SETX: variants seen among roughly 807,000 people sequenced by gnomAD.
The protein encoded by SETX is senataxin.
A neutral mutation model predicts 227.2 loss-of-function variants in SETX; 90 were observed. That is an observed-to-expected ratio of 0.40 (90% confidence interval 0.33 to 0.47). SETX has a LOEUF of 0.47. Among genes scored for constraint, SETX ranks in the 20% least tolerant of loss-of-function variants. The pLI is 0.91. For missense variants in SETX, 3,052 were observed against 3,181.5 expected (o/e 0.96, Z 0.98); for synonymous variants, 1,210 against 1,113.2 (o/e 1.09, Z -1.73).
intron 3 of SETX, among the ~76,000 whole-genome samples, chr9:132,348,360 C>T (rs1183431483): frequency 2.3e-5 from 1 of 44,182 alleles, no homozygotes; most frequent in East Asian, 5.2e-4. Flanking sequence ...GAGACTCTGT[C>T]TCAAAAAAAA....
At chr9:132,345,180 T>C (rs1848215164) in intron 4 of SETX, among the ~76,000 whole-genome samples, 1 of 152,210 alleles carries the variant, frequency 6.6e-6, no homozygotes, top group Non-Finnish European at 1.5e-5. Context: ...CATCCTACAA[T>C]GGACGGCACA....
intron 23 of SETX, among the ~76,000 whole-genome samples, chr9:132,273,438 C>T (rs1051647059): frequency 1.3e-5 from 2 of 152,246 alleles, no homozygotes; most frequent in African/African-American, 2.4e-5. Flanking sequence ...GCTGGGATTA[C>T]AGGCATGAGC....
chr9:132,263,986 A>C lies in SETX; in HGVS notation c.*253T>G. On this transcript the variant is annotated 3_prime_UTR_variant, in exon 26 of 26. Transcript: ENST00000224140. ...AGTCTGACCTCCTTGTCTATAGAAG[A>C]CTAAGAGATCAACATTTCCAGTCTC... 3.6e-6 allele frequency: 2 copies of C among 555,936 alleles called. No homozygotes were observed. The highest frequency in any genetic ancestry group is 6.4e-6 in the Non-Finnish European group (2 of 311,084). The allele number at this position is 555,936 out of a possible 1,614,324, so 34.4% of individuals were successfully genotyped here.
chr9:132,272,112 C>T lies in SETX; in HGVS notation c.7101-304G>A, dbSNP rs544738082. Among the ~76,000 whole-genome samples the T allele has an allele frequency of 1.1e-3, 164 of 152,088 alleles. 1 individual carries two copies. Among genetic ancestry groups the T allele is most frequent in the East Asian group, 9.7e-4 (5 of 5,164 alleles). On this transcript the variant is annotated intron_variant, in intron 23 of 25. Coordinates refer to ENST00000224140, the MANE Select transcript of SETX (RefSeq NM_015046.7). ...GTCTCCATCTCCTGACCTCATGATC[C>T]GCCCGCCTCGGCCTCCCAAAGTGCT... is the stretch of plus-strand genomic sequence containing the variant.
chr9:132,284,809 C>A (rs1843744411), intron 18 of SETX, among the ~76,000 whole-genome samples: 1 of 152,098 alleles, frequency 6.6e-6, no homozygotes. Context: ...ACAGTTGCCA[C>A]CCTCATCCTA....
rs1288573889 is a variant in SETX at position 132,328,631 on chromosome 9, C to T, written c.2967G>A (p.Arg989=). The change falls in exon 10 of 26, where the codon AGG becomes AGA. Residue 989 remains arginine (R), a synonymous_variant. Coordinates refer to ENST00000224140, the MANE Select transcript of SETX (RefSeq NM_015046.7). ...AACATCTTTTATCTTCTTTTACTTT[C>T]CTTTGCAGCTGCGATGAGTTCTGAG... ...DSPQNSSQLQ[R]KVKEDKRCFT... 1 of 1,613,180 alleles carries T rather than the reference C, an allele frequency of 6.2e-7. No individual in the cohort carries two copies. The highest frequency in any genetic ancestry group is 8.5e-7 in the Non-Finnish European group (1 of 1,179,658).
In SETX at chr9:132,329,206, GCTT is replaced by G; in HGVS notation, c.2389_2391del (p.Lys797del). 1.2e-6 allele frequency: 2 copies of G among 1,613,664 alleles called. No homozygotes were observed. The highest frequency in any genetic ancestry group is 1.1e-5 in the South Asian group (1 of 91,064). ...TCGACCAAAGTACTCTTCCTGTGTT[GCTT>G]CTTTATTACATGTGATAACTTTGCA... On this transcript the variant is annotated inframe_deletion, in exon 10 of 26. Coordinates refer to ENST00000224140, the MANE Select transcript of SETX (RefSeq NM_015046.7).
At chr9:132,325,717 A>G (rs903046301) in intron 10 of SETX, among the ~76,000 whole-genome samples, 2 of 152,010 alleles carry the variant, frequency 1.3e-5, no homozygotes, top group Non-Finnish European at 2.9e-5. Context: ...ACCTGAGGTC[A>G]GAATCAGAAG....
chr9:132,328,231 A>C lies in SETX; in HGVS notation c.3367T>G (p.Cys1123Gly). Residue 1123 changes from cysteine (C) to glycine (G), a missense_variant, in exon 10 of 26, where the codon TGT becomes GGT. Physicochemically the swap from Cys to Gly is radical, Grantham distance 159 (BLOSUM62 -3). This residue lies in a region of SETX where 1,483 missense variants were observed against 1,312.0 expected (regional missense o/e 1.13). Coordinates refer to ENST00000224140, the MANE Select transcript of SETX (RefSeq NM_015046.7). The part of the protein sequence containing the change: ...PIANTTNGQG[C>G]TDYVSEVVKK... ...ACAACTTCAGATACATAATCTGTAC[A>C]ACCCTGACCATTTGTAGTATTGGCT... 1 of 1,614,180 alleles carries C rather than the reference A, an allele frequency of 6.2e-7. No individual in the cohort carries two copies. The highest frequency in any genetic ancestry group is 8.5e-7 in the Non-Finnish European group (1 of 1,180,034).
chr9:132,328,611 C>G lies in SETX; in HGVS notation c.2987G>C (p.Arg996Thr), dbSNP rs375057767. 3.7e-6 allele frequency: 6 copies of G among 1,613,362 alleles called. No homozygotes were observed. In the African/African-American group the frequency reaches 6.7e-5, roughly 18 times the overall value. Residue 996 changes from arginine (R) to threonine (T), a missense_variant, in exon 10 of 26, where the codon AGA becomes ACA. By Grantham distance (71) the Arg-to-Thr change is moderately conservative. Around this residue, in one of 10 missense-constraint regions of SETX, gnomAD observed 1,483 missense variants for 1,312.0 expected, o/e 1.13. Transcript: ENST00000224140. ...ATTATTTTGGTTAGCTGTGAAACAT[C>G]TTTTATCTTCTTTTACTTTCCTTTG... ...QLQRKVKEDK[R>T]CFTANQNNVG... is the part of the protein sequence containing the mutation.
In SETX at chr9:132,264,498, G is replaced by C; in HGVS notation, c.7775C>G (p.Ala2592Gly). The change falls in exon 26 of 26, where the codon GCT becomes GGT. Residue 2592 changes from alanine to glycine, a missense_variant. By Grantham distance (60) the Ala-to-Gly change is moderately conservative. Around this residue, in one of 10 missense-constraint regions of SETX, gnomAD observed 294 missense variants for 278.8 expected, o/e 1.05. Transcript: ENST00000224140. ...GTGGCTGCTCAGAGCAGCCACTACA[G>C]CAGCGGGCTGCTGTATATGGCTCAG... is the stretch of plus-strand genomic sequence containing the variant. Reference protein sequence around the residue: ...QDLSHIQQPAAVVAALSSHKP... With the variant: ...QDLSHIQQPAGVVAALSSHKP... 1 of 1,613,900 alleles carries C rather than the reference G, an allele frequency of 6.2e-7. No homozygotes were observed. The highest frequency in any genetic ancestry group is 1.1e-5 in the South Asian group (1 of 91,080).
In SETX at chr9:132,293,670, T is replaced by C. The variant is rs1844476696; in HGVS notation, c.6106+2202A>G. On this transcript the variant is annotated intron_variant, in intron 15 of 25. Transcript: ENST00000224140. ...CCTGACCTCAGGTGATCCATCCACC[T>C]TGGCCTCCCAAAGTGCTGGGATTAT... 1.3e-5 allele frequency among the ~76,000 whole-genome samples: 2 copies of C among 152,142 alleles called. 1 individual carries two copies. The highest frequency in any genetic ancestry group is 4.1e-4 in the South Asian group (2 of 4,830).
At chr9:132,326,299 G>T in intron 10 of SETX, 25 bp downstream of exon 10, 1 of 1,504,564 alleles carries the variant, frequency 6.6e-7, no homozygotes, top group Non-Finnish European at 9.2e-7. Context: ...GTTTGGAGAG[G>T]CATACAAATG....
At chr9:132,345,012 A>G (rs1848207062) in intron 4 of SETX, among the ~76,000 whole-genome samples, 1 of 152,262 alleles carries the variant, frequency 6.6e-6, no homozygotes, top group African/African-American at 2.4e-5. Context: ...GTGGTTAATG[A>G]AAATTACTAC....
intron 25 of SETX, among the ~76,000 whole-genome samples, chr9:132,268,630 G>C (rs1842757394): frequency 6.6e-6 from 1 of 152,170 alleles, no homozygotes; most frequent in Non-Finnish European, 1.5e-5. Context: ...CAATTTCAAA[G>C]AGAGGAAAAA....
At chr9:132,304,599 C>T (rs1356318397) in intron 11 of SETX, among the ~76,000 whole-genome samples, 5 of 147,214 alleles carry the variant, frequency 3.4e-5, no homozygotes, top group African/African-American at 1.0e-4. Flanking sequence ...CGCCACTGAA[C>T]GTCAGCCTGG....
chr9:132,313,683 G>A (rs1049252830), intron 10 of SETX, among the ~76,000 whole-genome samples: 1 of 152,094 alleles, frequency 6.6e-6, no homozygotes, highest in Non-Finnish European at 1.5e-5. Flanking sequence ...CACACTAAAT[G>A]AAATAACTTC....
Position 132,330,025 on chromosome 9 carries a change from A to C in SETX, c.1573T>G (p.Ser525Ala), listed in dbSNP as rs2131460183. Reference protein sequence around the residue: ...TAMISSLSLHSMPSNSVQLAY... With the variant: ...TAMISSLSLHAMPSNSVQLAY... ...AGTTGTACAGAGTTAGATGGCATGGAATGCAATGACAGTGAAGATATCATT... is the reference window on the plus strand; with the variant it reads ...AGTTGTACAGAGTTAGATGGCATGGCATGCAATGACAGTGAAGATATCATT... The change falls in exon 10 of 26, where the codon TCC becomes GCC. Residue 525 changes from serine (S) to alanine (A), a missense_variant. Around this residue, in one of 10 missense-constraint regions of SETX, gnomAD observed 179 missense variants for 197.1 expected, o/e 0.91. Transcript: ENST00000224140. 1 of 1,614,224 alleles carries C rather than the reference A, an allele frequency of 6.2e-7. No homozygotes were observed. The highest frequency in any genetic ancestry group is 8.5e-7 in the Non-Finnish European group (1 of 1,180,012).
rs766745221 is a variant in SETX at position 132,277,169 on chromosome 9, G to A, written c.6843-17C>T. On this transcript the variant is annotated splice_polypyrimidine_tract_variant and intron_variant, in intron 21 of 25. Transcript: ENST00000224140. ...TCTGTCTGTCTGTAAAAAAAAAAAAGCAGTCAACATTCAGAATAAAGTCAA... is the reference window on the plus strand; with the variant it reads ...TCTGTCTGTCTGTAAAAAAAAAAAAACAGTCAACATTCAGAATAAAGTCAA... The A allele has an allele frequency of 2.2e-6, 3 of 1,391,222 alleles. No individual in the cohort carries two copies. Among genetic ancestry groups the A allele is most frequent in the African/African-American group, 3.0e-5 (2 of 67,226 alleles). 86.2% of individuals were successfully genotyped at this position (1,391,222 alleles called of 1,614,324 possible).
Sources: allele counts gnomAD v4.1 joint callset (sites outside exome capture counted in the v4.1 genomes callset), GRCh38; gene constraint gnomAD v4.1.1; regional missense constraint gnomAD v4.1.1; transcripts MANE v1.5; gene names NCBI Gene and HGNC (gene_info 2026-07-23, HGNC 2026-07-21).